Variants in RCHY1 observed in about 807,000 individuals in gnomAD.
RCHY1 encodes the protein RING finger and CHY zinc finger domain-containing protein 1.
A neutral mutation model predicts 41.6 loss-of-function variants in RCHY1; 21 were observed. That is an observed-to-expected ratio of 0.51 (90% CI 0.36 to 0.73). The LOEUF (loss-of-function observed/expected upper bound fraction) is 0.73. RCHY1 is among the 30% of genes least tolerant of loss of function. The pLI is 0.00. For synonymous variants in RCHY1, 79 were observed against 102.9 expected, an observed-to-expected ratio of 0.77 and a Z score of 1.41; for missense variants, 265 against 325.3, an observed-to-expected ratio of 0.81 and a Z score of 1.43.
chr4:75,501,073 G>A (rs535531340), intron 3 of RCHY1, among the ~76,000 whole-genome samples: 12 of 152,076 alleles, frequency 7.9e-5, no homozygotes, highest in Non-Finnish European at 1.0e-4. Context: ...GCAATGGCAC[G>A]ATTTTGGCTC....
intron 4 of RCHY1, among the ~76,000 whole-genome samples, chr4:75,492,690 A>G (rs1346363952): frequency 6.6e-6 from 1 of 151,924 alleles, no homozygotes; most frequent in Non-Finnish European, 1.5e-5. Flanking sequence ...AGATAACTGA[A>G]AAACAACATA....
At chr4:75,493,667 T>C (rs1229603101) in intron 4 of RCHY1, among the ~76,000 whole-genome samples, 1 of 151,848 alleles carries the variant, frequency 6.6e-6, no homozygotes, top group Non-Finnish European at 1.5e-5. Flanking sequence ...GGGCCTGGGA[T>C]TGTGACATAA....
At chr4:75,496,092 T>C (rs911639941) in intron 3 of RCHY1, among the ~76,000 whole-genome samples, 4 of 152,052 alleles carry the variant, frequency 2.6e-5, no homozygotes, top group African/African-American at 7.2e-5. Context: ...TCAAACTCCA[T>C]AAGTAAAATT....
At chr4:75,487,796 C>CATATATATATTCATA (rs1560513510) in intron 8 of RCHY1, among the ~76,000 whole-genome samples, 780 of 49,290 alleles carry the variant, frequency 0.016, 105 homozygotes, top group African/African-American at 0.082. Context: ...TATATATATT[C>CATATATATATTCATA]ATATATATAT....
chr4:75,500,086 A>G (rs746621328), intron 3 of RCHY1, among the ~76,000 whole-genome samples: 5 of 152,172 alleles, frequency 3.3e-5, no homozygotes, highest in Admixed American at 6.5e-5. Flanking sequence ...GGCTGCAGTG[A>G]GTCATGATTG....
chr4:75,498,847 C>A (rs1384698370), intron 3 of RCHY1, among the ~76,000 whole-genome samples: 1 of 152,032 alleles, frequency 6.6e-6, no homozygotes, highest in African/African-American at 2.4e-5. Context: ...TGAAAGAAAA[C>A]ACTGGGGAAA....
chr4:75,491,451 C>T (rs1206653980), intron 7 of RCHY1, 160 bp downstream of exon 7: 4 of 611,360 alleles, frequency 6.5e-6, no homozygotes, highest in Non-Finnish European at 1.1e-5. Flanking sequence ...ATCCAAGACA[C>T]TTTGTCCTGT....
intron 8 of RCHY1, among the ~76,000 whole-genome samples, chr4:75,489,201 T>C (rs2148722331): frequency 6.6e-6 from 1 of 152,292 alleles, no homozygotes; most frequent in Admixed American, 6.5e-5. Context: ...TTATGACCAA[T>C]GTTTGCTTTG....
At chr4:75,490,766 G>A in intron 7 of RCHY1, 65 bp from the exon 8 acceptor site, 5 of 1,295,678 alleles carry the variant, frequency 3.9e-6, no homozygotes, top group Non-Finnish European at 5.4e-6. Context: ...AGGTATACAA[G>A]AAGATGCAGG....
rs2148699399 is a variant in RCHY1 at position 75,480,347 on chromosome 4, T to C, written c.*2191A>G. ...GGTTAATCTATCAAATCATGAGCGCTTCAATGATATGGATGACTAGCTGTG... is the reference window on the plus strand; with the variant it reads ...GGTTAATCTATCAAATCATGAGCGCCTCAATGATATGGATGACTAGCTGTG... On this transcript the variant is annotated 3_prime_UTR_variant, in exon 9 of 9. Coordinates refer to ENST00000324439, the MANE Select transcript of RCHY1 (RefSeq NM_015436.4). The C allele has an allele frequency of 6.6e-6, 1 of 152,312 alleles. No individual in the cohort carries two copies. The highest frequency in any genetic ancestry group is 1.9e-4 in the East Asian group (1 of 5,178). 9.4% of individuals were successfully genotyped at this position (152,312 alleles called of 1,614,324 possible).
At chr4:75,500,654 G>C (rs894449988) in intron 3 of RCHY1, among the ~76,000 whole-genome samples, 1 of 152,182 alleles carries the variant, frequency 6.6e-6, no homozygotes, top group Non-Finnish European at 1.5e-5. Context: ...ACCTCCAGAT[G>C]AGAGTCAGAT....
At chr4:75,496,147 T>G (rs1353384746) in intron 3 of RCHY1, among the ~76,000 whole-genome samples, 3 of 152,032 alleles carry the variant, frequency 2.0e-5, no homozygotes, top group Non-Finnish European at 4.4e-5. Context: ...ATAACGGAGA[T>G]CAGACCTACC....
upstream of RCHY1, chr4:75,514,426 G>A (rs996976972): frequency 1.0e-6 from 1 of 964,016 alleles, no homozygotes; most frequent in South Asian, 2.0e-5. Flanking sequence ...CGTGACCCGG[G>A]GCAGACGGAT....
In RCHY1 at chr4:75,480,111, G is replaced by A; in HGVS notation, c.*2427C>T. 6.6e-6 allele frequency: 1 copy of A among 152,162 alleles called. No homozygotes were observed. Among genetic ancestry groups the A allele is most frequent in the East Asian group, 1.9e-4 (1 of 5,196 alleles). The allele number at this position is 152,162 out of a possible 1,614,324, so 9.4% of individuals were successfully genotyped here. On this transcript the variant is annotated 3_prime_UTR_variant, in exon 9 of 9. Transcript: ENST00000324439. Reference sequence around the variant, plus strand: ...AGGATTTTAATCATCGAGTTGACGTGTCATGAACAAATACTTGAAGCAACC... The same window carrying A: ...AGGATTTTAATCATCGAGTTGACGTATCATGAACAAATACTTGAAGCAACC...
At chr4:75,514,677 C>T (rs898499117), upstream of RCHY1, 10 of 171,424 alleles carry the variant, frequency 5.8e-5, no homozygotes, top group Non-Finnish European at 1.2e-4. Flanking sequence ...GACGGGTCCT[C>T]CCTCTCTCCC....
chr4:75,499,087 CA>C (rs1174539977), intron 3 of RCHY1, among the ~76,000 whole-genome samples: 2 of 150,318 alleles, frequency 1.3e-5, no homozygotes, highest in African/African-American at 4.9e-5. Context: ...AACTTAATAA[CA>C]AAAAAAAAGA....
intron 3 of RCHY1, among the ~76,000 whole-genome samples, chr4:75,505,756 A>C (rs892377767): frequency 5.3e-5 from 8 of 152,332 alleles, no homozygotes; most frequent in African/African-American, 1.7e-4. Flanking sequence ...CAATTTAAAG[A>C]AAACAAACAA....
At chr4:75,503,837 G>A (rs1305271004) in intron 3 of RCHY1, among the ~76,000 whole-genome samples, 3 of 151,970 alleles carry the variant, frequency 2.0e-5, no homozygotes, top group Admixed American at 6.6e-5. Context: ...CTTTTATGAC[G>A]TTTGTACACC....
In RCHY1 at chr4:75,500,397, G is replaced by A. The variant is rs141953839; in HGVS notation, c.327-6218C>T. On this transcript the variant is annotated intron_variant, in intron 3 of 8. Coordinates refer to ENST00000324439, the MANE Select transcript of RCHY1 (RefSeq NM_015436.4). ...AGCTTATTCTTGTACATTACAGTAA[G>A]GATATATGTTCATTACCAAAAAATT... Among the ~76,000 whole-genome samples, 25 of 152,188 alleles carry A rather than the reference G, an allele frequency of 1.6e-4. No individual in the cohort carries two copies. The East Asian group carries it at 4.4e-3, about 27-fold the overall frequency.
Sources: gnomAD v4.1 joint callset for allele counts (sites outside exome capture counted in the v4.1 genomes callset) on GRCh38, gnomAD v4.1.1 for gene constraint, MANE v1.5 for transcripts, NCBI Gene and HGNC (gene_info 2026-07-23, HGNC 2026-07-21) for gene names.